SVIL: variants seen among roughly 807,000 people sequenced by gnomAD.
SVIL encodes the protein archvillin.
SVIL carries 101 observed loss-of-function variants against 240.4 expected under a neutral mutation model. That is an observed-to-expected ratio of 0.42 (90% confidence interval 0.36 to 0.50). The LOEUF (loss-of-function observed/expected upper bound fraction) is 0.50, where lower values mean the gene tolerates loss of function less well. SVIL is among the 20% of genes least tolerant of loss of function. The pLI, the probability that SVIL is intolerant of heterozygous loss-of-function variation, is 0.01. For synonymous variants in SVIL, 999 were observed against 1,100.0 expected (o/e 0.91, Z 1.82); for missense variants, 2,512 against 2,818.7 (o/e 0.89, Z 2.46).
rs193014843 is a variant in SVIL, at chr10:29,580,927, C to T, written c.-200-11615G>A. Among the ~76,000 whole-genome samples the T allele has an allele frequency of 2.2e-3, 335 of 152,204 alleles. 2 individuals are homozygous for T. Among genetic ancestry groups the T allele is most frequent in the African/African-American group, 7.8e-3 (323 of 41,514 alleles). The stretch of plus-strand genomic sequence containing the variant: ...CCTCCCGAAGTGCTGGGATTACAGG[C>T]GTGAGCCATCAAACCAACCATGAGC... On this transcript the variant is annotated intron_variant, in intron 1 of 37. Transcript: ENST00000355867.
intron 2 of SVIL, among the ~76,000 whole-genome samples, chr10:29,671,901 T>C (rs1959806857): frequency 6.6e-6 from 1 of 152,218 alleles, no homozygotes; most frequent in South Asian, 2.1e-4. Context: ...ATCCTTATGA[T>C]GTAAAATGCT....
At chr10:29,560,489 T>C (rs1470642650) in intron 3 of SVIL, among the ~76,000 whole-genome samples, 1 of 152,180 alleles carries the variant, frequency 6.6e-6, no homozygotes, top group Non-Finnish European at 1.5e-5. Flanking sequence ...GTTACATAGG[T>C]AAAGATTTTT....
chr10:29,564,201 C>G lies in SVIL; in HGVS notation c.-142-909G>C, dbSNP rs1294753927. Among the ~76,000 whole-genome samples, 12 of 152,300 alleles carry G rather than the reference C, an allele frequency of 7.9e-5. No homozygotes were observed. The East Asian group carries it at 2.3e-3, about 29-fold the overall frequency. ...TTGGGAGAGAGGCACACATGTCTGG[C>G]CGCAGCACAACACTGGAACTAGTAC... On this transcript the variant is annotated intron_variant, in intron 2 of 37. Coordinates refer to ENST00000355867, the MANE Select transcript of SVIL (RefSeq NM_021738.3).
intron 3 of SVIL, among the ~76,000 whole-genome samples, chr10:29,651,726 C>A (rs1466897888): frequency 6.6e-6 from 1 of 151,964 alleles, no homozygotes. Flanking sequence ...GAGTTCTAGA[C>A]ACACGTTCAA....
At chr10:29,477,775 T>C (rs1056017968) in intron 29 of SVIL, among the ~76,000 whole-genome samples, 1 of 152,244 alleles carries the variant, frequency 6.6e-6, no homozygotes, top group Admixed American at 6.5e-5. Context: ...GTTGTAAGTC[T>C]GCTGGAAAAG....
chr10:29,471,889 A>G (rs796532322), intron 30 of SVIL, among the ~76,000 whole-genome samples: 12 of 152,350 alleles, frequency 7.9e-5, no homozygotes, highest in African/African-American at 2.9e-4. Flanking sequence ...CTCTGTGCCC[A>G]TTTTGCATAA....
At chr10:29,562,387 C>G (rs578072772) in intron 3 of SVIL, among the ~76,000 whole-genome samples, 2 of 152,332 alleles carry the variant, frequency 1.3e-5, no homozygotes, top group East Asian at 1.9e-4. Flanking sequence ...GTGAGTGCCT[C>G]CTTGGGGAAG....
At chr10:29,514,469 C>A (rs1303390538) in intron 16 of SVIL, among the ~76,000 whole-genome samples, 1 of 152,008 alleles carries the variant, frequency 6.6e-6, no homozygotes, top group Non-Finnish European at 1.5e-5. Flanking sequence ...TTTGAACTCC[C>A]GGGCTCAAGC....
At chr10:29,696,820 T>C (rs1962074473) in intron 1 of SVIL, among the ~76,000 whole-genome samples, 1 of 143,114 alleles carries the variant, frequency 7.0e-6, no homozygotes, top group Non-Finnish European at 1.5e-5. Flanking sequence ...GGGAGGGAGG[T>C]GGGGCTCAGC....
chr10:29,474,638 TA>T (rs1387903001), intron 29 of SVIL, among the ~76,000 whole-genome samples: 1 of 134,920 alleles, frequency 7.4e-6, no homozygotes, highest in Non-Finnish European at 1.6e-5. Flanking sequence ...AATAAATAAA[TA>T]AATAAAGTAT....
At chr10:29,505,976 T>A (rs987546664) in intron 17 of SVIL, among the ~76,000 whole-genome samples, 8 of 152,186 alleles carry the variant, frequency 5.3e-5, no homozygotes, top group Non-Finnish European at 1.2e-4. Flanking sequence ...CCTGTGCACA[T>A]CCCCGCTGTG....
intron 1 of SVIL, among the ~76,000 whole-genome samples, chr10:29,624,985 C>T (rs1389254861): frequency 6.6e-6 from 1 of 152,000 alleles, no homozygotes; most frequent in Non-Finnish European, 1.5e-5. Flanking sequence ...ATAGTACTAA[C>T]ATAAAGGTAG....
rs953819553 is a variant in SVIL, at chr10:29,457,799, T to C, written c.*448A>G. ...GTTATTTTGACACCAAAACAAATCT[T>C]GAAAGTGAATGAATACATATTGCTT... On this transcript the variant is annotated 3_prime_UTR_variant, in exon 38 of 38. Transcript: ENST00000355867. The C allele has an allele frequency of 2.6e-5, 4 of 152,646 alleles. No homozygotes were observed. The highest frequency in any genetic ancestry group is 4.8e-5 in the African/African-American group (2 of 41,436). The allele number at this position is 152,646 out of a possible 1,614,324, so 9.5% of individuals were successfully genotyped here. A position where few individuals can be genotyped will look rare whatever the true frequency, so the allele number is the denominator to read the frequency against.
At chr10:29,481,542 C>T in intron 28 of SVIL, 42 bp downstream of exon 28, 2 of 1,610,788 alleles carry the variant, frequency 1.2e-6, no homozygotes, top group Non-Finnish European at 1.7e-6. Context: ...TTATTGGGAC[C>T]CGAACCAAGC....
intron 1 of SVIL, among the ~76,000 whole-genome samples, chr10:29,612,623 A>G (rs1957287429): frequency 6.6e-6 from 1 of 152,216 alleles, no homozygotes; most frequent in Non-Finnish European, 1.5e-5. Context: ...CAGAAAACAC[A>G]AGAAGAGGAC....
Position 29,555,128 on chromosome 10 carries a change from G to C in SVIL, c.-50-20C>G. 1 of 1,595,840 alleles carries C rather than the reference G, an allele frequency of 6.3e-7. No individual in the cohort carries two copies. Among genetic ancestry groups the C allele is most frequent in the South Asian group, 1.1e-5 (1 of 89,022 alleles). Reference sequence around the variant, plus strand: ...CTGCAACTGGAAGAAAACCAAAAAAGAACAAAATATAGTATTTAGTAGTCG... The same window carrying C: ...CTGCAACTGGAAGAAAACCAAAAAACAACAAAATATAGTATTTAGTAGTCG... On this transcript the variant is annotated intron_variant, in intron 3 of 37. Transcript: ENST00000355867.
At chr10:29,462,885 T>G (rs1944428911) in intron 35 of SVIL, among the ~76,000 whole-genome samples, 1 of 152,194 alleles carries the variant, frequency 6.6e-6, no homozygotes, top group African/African-American at 2.4e-5. Flanking sequence ...TTGCACATAC[T>G]CAGTGACATT....
chr10:29,525,443 AT>A (rs1950832488), intron 13 of SVIL, among the ~76,000 whole-genome samples: 1 of 152,086 alleles, frequency 6.6e-6, no homozygotes, highest in African/African-American at 2.4e-5. Flanking sequence ...GTGAAACCCC[AT>A]CTCTACAAAA....
intron 10 of SVIL, among the ~76,000 whole-genome samples, chr10:29,530,954 G>A (rs1393173739): frequency 6.6e-6 from 1 of 152,140 alleles, no homozygotes; most frequent in Non-Finnish European, 1.5e-5. Flanking sequence ...TTTATGGGGG[G>A]AATTTCTTTT....
Sources: allele counts gnomAD v4.1 joint callset (sites outside exome capture counted in the v4.1 genomes callset), GRCh38; gene constraint gnomAD v4.1.1; transcripts MANE v1.5; gene names NCBI Gene and HGNC (gene_info 2026-07-23, HGNC 2026-07-21).